SPRY3: variants seen among roughly 807,000 people sequenced by gnomAD.
SPRY3 encodes sprouty RTK signaling antagonist 3.
SPRY3 carries 15 observed loss-of-function variants against 20.2 expected under a neutral mutation model. That is an observed-to-expected ratio of 0.74 (90% CI 0.50 to 1.14). The LOEUF is 1.14. Among genes scored for constraint, SPRY3 ranks in the 50% most tolerant of loss-of-function variants. The pLI is 0.00. For synonymous variants in SPRY3, 143 were observed against 136.5 expected (o/e 1.05, Z -0.33); for missense variants, 364 against 363.9 (o/e 1.00, Z 0.00).
chrX:155,630,044 G>A (rs1319915447), intron 1 of SPRY3, among the ~76,000 whole-genome samples: 1 of 111,704 alleles, frequency 9.0e-6, no homozygotes, highest in Non-Finnish European at 1.9e-5. Context: ...GTTATAACAG[G>A]TTGTTTTAAG....
At chrX:155,720,274 G>A (rs933652571) in intron 2 of SPRY3, among the ~76,000 whole-genome samples, 2 of 152,120 alleles carry the variant, frequency 1.3e-5, no homozygotes, top group East Asian at 1.9e-4. Flanking sequence ...CAGCTCAGTC[G>A]CAGTACAATA....
intron 2 of SPRY3, among the ~76,000 whole-genome samples, chrX:155,665,093 A>G (rs2068020721): frequency 9.1e-6 from 1 of 110,363 alleles, no homozygotes; most frequent in African/African-American, 3.3e-5. Context: ...ATATAATATG[A>G]ATCAGCAGTT....
intron 1 of SPRY3, among the ~76,000 whole-genome samples, chrX:155,616,158 C>T (rs1557348886): frequency 9.7e-6 from 1 of 102,590 alleles, no homozygotes; most frequent in African/African-American, 3.5e-5. Flanking sequence ...TCTTCTCTCT[C>T]TCTTCTCTCT....
chrX:155,745,182 A>G (rs1483559339), intron 2 of SPRY3, among the ~76,000 whole-genome samples: 1 of 152,004 alleles, frequency 6.6e-6, no homozygotes, highest in Admixed American at 6.6e-5. Flanking sequence ...CTTTCCCCAA[A>G]TTTTGTTTAA....
intron 2 of SPRY3, among the ~76,000 whole-genome samples, chrX:155,733,633 A>C (rs182514742): frequency 6.6e-6 from 1 of 152,144 alleles, no homozygotes; most frequent in East Asian, 1.9e-4. Flanking sequence ...ATTAGCCCTT[A>C]ACAAGAGAGT....
At chrX:155,722,398 G>A (rs1267450470) in intron 2 of SPRY3, among the ~76,000 whole-genome samples, 1 of 152,082 alleles carries the variant, frequency 6.6e-6, no homozygotes, top group Non-Finnish European at 1.5e-5. Flanking sequence ...GCACATGCCT[G>A]TGGTCCCAGC....
intron 2 of SPRY3, among the ~76,000 whole-genome samples, chrX:155,680,012 A>G (rs1030043327): frequency 1.8e-5 from 2 of 110,506 alleles, no homozygotes; most frequent in African/African-American, 6.6e-5. Context: ...AGTAGAAACC[A>G]AGAGAGTGTA....
chrX:155,660,626 T>C (rs1194673432), intron 2 of SPRY3, among the ~76,000 whole-genome samples: 1 of 111,656 alleles, frequency 9.0e-6, no homozygotes, highest in Non-Finnish European at 1.9e-5. Context: ...AGGTGTTGAA[T>C]TGCTGTCTAT....
chrX:155,637,310 G>A (rs1343645335), intron 1 of SPRY3, among the ~76,000 whole-genome samples: 1 of 111,230 alleles, frequency 9.0e-6, no homozygotes, highest in Non-Finnish European at 1.9e-5. Flanking sequence ...TGCTGTACTG[G>A]TTATTAATAG....
chrX:155,777,636 T>TATATATATATATATATAA (rs200220897), downstream of SPRY3: 1 of 70,360 alleles, frequency 1.4e-5, no homozygotes, highest in African/African-American at 6.7e-5. Flanking sequence ...CTTCTGTGAT[T>TATATATATATATATATAA]ATATATATTC....
At chrX:155,681,483 A>C (rs1391191063) in intron 2 of SPRY3, among the ~76,000 whole-genome samples, 1 of 112,305 alleles carries the variant, frequency 8.9e-6, no homozygotes, top group Non-Finnish European at 1.9e-5. Context: ...AAAGAGTCGC[A>C]CATCTTTCAC....
At chrX:155,756,944 T>C (rs948617174) in intron 2 of SPRY3, among the ~76,000 whole-genome samples, 7 of 152,128 alleles carry the variant, frequency 4.6e-5, no homozygotes, top group African/African-American at 1.7e-4. Flanking sequence ...ACTTCCACTA[T>C]TACCACTCTC....
chrX:155,759,920 T>C (rs1179162908), intron 2 of SPRY3, among the ~76,000 whole-genome samples: 1 of 152,202 alleles, frequency 6.6e-6, no homozygotes, highest in Non-Finnish European at 1.5e-5. Context: ...AAAAAATACT[T>C]CCTCCAGGAA....
intron 3 of SPRY3, among the ~76,000 whole-genome samples, chrX:155,770,426 G>T (rs1354178883): frequency 9.9e-5 from 15 of 152,024 alleles, no homozygotes; most frequent in Non-Finnish European, 2.1e-4. Context: ...TTTTCAGGTT[G>T]AACATGGCAA....
At chrX:155,649,854 T>G (rs1453278359) in intron 1 of SPRY3, among the ~76,000 whole-genome samples, 17 of 111,222 alleles carry the variant, frequency 1.5e-4, no homozygotes, top group African/African-American at 4.6e-4. Context: ...TGACATGACT[T>G]TATATTTAGA....
In SPRY3 at chrX:155,629,058, G is replaced by C. The variant is rs782633840; in HGVS notation, c.-441+16411G>C. 7.1e-4 allele frequency among the ~76,000 whole-genome samples: 77 copies of C among 108,710 alleles called. 2 individuals carry two copies. The Admixed American group carries it at 7.5e-3, about 11-fold the overall frequency. The allele number at this position is 108,710 out of a possible 115,157, so 94.4% of individuals were successfully genotyped here. A position where few individuals can be genotyped will look rare whatever the true frequency, so the allele number is the denominator to read the frequency against. The stretch of plus-strand genomic sequence containing the variant: ...ATACTTTAAGTTCTAGGGTACATGT[G>C]CACAATGTGCAGGTTTGTTACATGT... On this transcript the variant is annotated intron_variant, in intron 1 of 3. Transcript: ENST00000675360.
chrX:155,652,416 TC>T (rs2124545927), intron 1 of SPRY3, among the ~76,000 whole-genome samples: 1 of 111,165 alleles, frequency 9.0e-6, no homozygotes, highest in East Asian at 2.8e-4. Context: ...CCTTTCCCAG[TC>T]TCTGGTAGCC....
intron 2 of SPRY3, among the ~76,000 whole-genome samples, chrX:155,660,606 G>A (rs914975227): frequency 3.6e-5 from 4 of 111,207 alleles, no homozygotes; most frequent in Non-Finnish European, 7.6e-5. Flanking sequence ...TCTGTCTAGT[G>A]CTTTCAATGA....
intron 2 of SPRY3, among the ~76,000 whole-genome samples, chrX:155,749,086 A>G (rs2091244958): frequency 6.6e-6 from 1 of 151,964 alleles, no homozygotes; most frequent in Admixed American, 6.6e-5. Context: ...AATGCCCAAT[A>G]CATAATTAAA....
Sources: gnomAD v4.1 joint callset for allele counts (sites outside exome capture counted in the v4.1 genomes callset) on GRCh38, gnomAD v4.1.1 for gene constraint, MANE v1.5 for transcripts, NCBI Gene and HGNC (gene_info 2026-07-23, HGNC 2026-07-21) for gene names.